DNM3: variants seen among roughly 807,000 people sequenced by gnomAD.
DNM3 encodes dynamin-3.
In DNM3, 47 loss-of-function variants were observed where a neutral mutation model predicts 101.6. The ratio of observed to expected loss-of-function variants is 0.46; its 90% CI spans 0.37 to 0.59. The LOEUF (loss-of-function observed/expected upper bound fraction) is 0.59. Ranked by LOEUF, DNM3 falls within the 20% of genes least tolerant of loss-of-function variation. DNM3 has a pLI of 0.00. For missense variants in DNM3, 849 were observed against 1,085.7 expected (o/e 0.78, Z 3.06); for synonymous variants, 385 against 387.9 (o/e 0.99, Z 0.09).
At chr1:172,412,725 T>C (rs2071280948), downstream of DNM3, 26 of 985,762 alleles carry the variant, frequency 2.6e-5, no homozygotes, top group Non-Finnish European at 3.0e-5. Context: ...GGACCCCTTT[T>C]CCTCATTCTT....
At chr1:172,307,027 G>A (rs971379186) in intron 15 of DNM3, among the ~76,000 whole-genome samples, 6 of 152,148 alleles carry the variant, frequency 3.9e-5, no homozygotes, top group Non-Finnish European at 7.3e-5. Context: ...ATTGACAAAT[G>A]GGATCTAATT....
intron 15 of DNM3, among the ~76,000 whole-genome samples, chr1:172,260,463 A>AG (rs1391959085): frequency 2.6e-5 from 4 of 151,870 alleles, no homozygotes; most frequent in Non-Finnish European, 4.4e-5. Flanking sequence ...AAATTTGAAT[A>AG]TTTGGATGCT....
rs200668514 is a variant in DNM3, at chr1:172,045,522, G to A, written c.1196+1070G>A. Among the ~76,000 whole-genome samples the A allele has an allele frequency of 2.6e-5, 4 of 152,064 alleles. No homozygotes were observed. The East Asian group carries it at 7.7e-4, about 29-fold the overall frequency. On this transcript the variant is annotated intron_variant, in intron 9 of 20. Coordinates refer to ENST00000627582, the MANE Select transcript of DNM3 (RefSeq NM_015569.5). ...CTCATGATGTAATTACCTCCCAAAG[G>A]CCCTACCTCCTACTACCATCACATT...
chr1:172,303,778 T>C (rs1396913633), intron 15 of DNM3, among the ~76,000 whole-genome samples: 1 of 152,092 alleles, frequency 6.6e-6, no homozygotes, highest in Non-Finnish European at 1.5e-5. Context: ...CCAGCCAAAC[T>C]AAGCTTCATA....
chr1:171,887,611 C>T (rs2036890429), intron 1 of DNM3, among the ~76,000 whole-genome samples: 1 of 151,656 alleles, frequency 6.6e-6, no homozygotes, highest in Non-Finnish European at 1.5e-5. Flanking sequence ...TAAGATAAAC[C>T]TTTAATTAAT....
At chr1:172,181,791 T>C (rs1019266489) in intron 14 of DNM3, among the ~76,000 whole-genome samples, 6 of 150,734 alleles carry the variant, frequency 4.0e-5, no homozygotes, top group African/African-American at 1.5e-4. Context: ...CCATATCCTG[T>C]CTGAAGACAG....
chr1:171,939,029 C>T lies in DNM3; in HGVS notation c.235+17208C>T, dbSNP rs954522968. ...ATTTTTTCTTCCTTTTTTTTCCTTA[C>T]TGACAACACCCCAAAACTTATTTTT... On this transcript the variant is annotated intron_variant, in intron 2 of 20. Transcript: ENST00000627582. Among the ~76,000 whole-genome samples the T allele has an allele frequency of 3.3e-5, 5 of 151,934 alleles. No homozygotes were observed. The East Asian group carries it at 9.6e-4, about 29-fold the overall frequency.
intron 1 of DNM3, among the ~76,000 whole-genome samples, chr1:171,909,760 G>T (rs2039140512): frequency 6.6e-6 from 1 of 152,154 alleles, no homozygotes. Flanking sequence ...TATTGGTTTT[G>T]TTACTTGAAA....
chr1:172,113,240 C>T (rs759885219), intron 13 of DNM3, among the ~76,000 whole-genome samples: 1 of 152,146 alleles, frequency 6.6e-6, no homozygotes, highest in Non-Finnish European at 1.5e-5. Flanking sequence ...ATCTTGGTAA[C>T]GTTAACATTC....
chr1:172,295,834 AC>A (rs1475580403), intron 15 of DNM3, among the ~76,000 whole-genome samples: 1 of 152,202 alleles, frequency 6.6e-6, no homozygotes, highest in East Asian at 1.9e-4. Context: ...TTATAATAGG[AC>A]TTTTAAAAAG....
chr1:172,279,184 C>T (rs1253737178), intron 15 of DNM3, among the ~76,000 whole-genome samples: 3 of 152,020 alleles, frequency 2.0e-5, no homozygotes, highest in Admixed American at 2.0e-4. Flanking sequence ...TTTTTCAGTT[C>T]CTTTTAATAC....
chr1:171,950,434 C>T (rs115014018), intron 2 of DNM3, among the ~76,000 whole-genome samples: 33 of 152,106 alleles, frequency 2.2e-4, no homozygotes, highest in Non-Finnish European at 4.3e-4. Flanking sequence ...TACTGTGTTA[C>T]TAGATGATTT....
intron 13 of DNM3, chr1:172,093,868 C>T: frequency 1.5e-6 from 1 of 685,728 alleles, no homozygotes; most frequent in Admixed American, 3.4e-5. Context: ...AACACCCTAT[C>T]ATTGAAATAA....
chr1:172,387,667 AAAG>A (rs1257100060), intron 19 of DNM3, among the ~76,000 whole-genome samples: 5 of 151,692 alleles, frequency 3.3e-5, no homozygotes, highest in South Asian at 2.1e-4. Context: ...CAAAAAAAAA[AAAG>A]AAGATGGACC....
intron 10 of DNM3, among the ~76,000 whole-genome samples, chr1:172,050,083 G>A (rs1003652114): frequency 6.6e-6 from 1 of 152,084 alleles, no homozygotes; most frequent in South Asian, 2.1e-4. Flanking sequence ...CTGAGGGACA[G>A]AAAGAAGAAT....
At chr1:171,952,081 GGTTGTGGAGACCAAGGTTCTT>G (rs2042563865) in intron 2 of DNM3, among the ~76,000 whole-genome samples, 2 of 152,150 alleles carry the variant, frequency 1.3e-5, no homozygotes, top group Non-Finnish European at 2.9e-5. Context: ...AGATAAGGGA[GGTTGTGGAGACCAAGGTTCTT>G]GTTATGTAGA....
chr1:171,890,618 G>GT (rs1027608108), intron 1 of DNM3, among the ~76,000 whole-genome samples: 101 of 150,722 alleles, frequency 6.7e-4, no homozygotes, highest in East Asian at 2.3e-3. Flanking sequence ...TCATTAAGTT[G>GT]TTTTTTTTTG....
intron 2 of DNM3, among the ~76,000 whole-genome samples, chr1:171,945,957 C>T (rs1365273352): frequency 6.6e-6 from 1 of 152,134 alleles, no homozygotes; most frequent in African/African-American, 2.4e-5. Flanking sequence ...CTAAAGAAGA[C>T]CGACATGGCT....
intron 1 of DNM3, among the ~76,000 whole-genome samples, chr1:171,872,834 T>G (rs2035421171): frequency 6.6e-6 from 1 of 152,202 alleles, no homozygotes; most frequent in Non-Finnish European, 1.5e-5. Flanking sequence ...ACTCTTGCTT[T>G]TTCGAGTCAG....
Sources: gnomAD v4.1 joint callset for allele counts (sites outside exome capture counted in the v4.1 genomes callset) on GRCh38, gnomAD v4.1.1 for gene constraint, MANE v1.5 for transcripts, NCBI Gene and HGNC (gene_info 2026-07-23, HGNC 2026-07-21) for gene names.